TSPAN9: variants seen among roughly 807,000 people sequenced by gnomAD.
The protein encoded by TSPAN9 is tetraspanin 9, also known as tetraspanin-9.
In TSPAN9, 16 loss-of-function variants were observed where a neutral mutation model predicts 31.0. The ratio of observed to expected loss-of-function variants is 0.52; its 90% CI spans 0.35 to 0.78. The LOEUF (loss-of-function observed/expected upper bound fraction) is 0.78, where lower values mean the gene tolerates loss of function less well. Ranked by LOEUF, TSPAN9 falls within the 30% of genes least tolerant of loss-of-function variation. TSPAN9 has a pLI of 0.01. For missense variants in TSPAN9, 272 were observed against 312.5 expected (o/e 0.87, Z 0.98); for synonymous variants, 145 against 121.6 (o/e 1.19, Z -1.27).
chr12:3,191,337 C>T (rs1231751535), intron 2 of TSPAN9, among the ~76,000 whole-genome samples: 4 of 152,178 alleles, frequency 2.6e-5, no homozygotes, highest in Non-Finnish European at 4.4e-5. Context: ...GTGTGGGTGC[C>T]TCCCAAATGT....
chr12:3,126,499 G>A (rs1222941831), intron 2 of TSPAN9, among the ~76,000 whole-genome samples: 2 of 152,114 alleles, frequency 1.3e-5, no homozygotes, highest in Non-Finnish European at 1.5e-5. Context: ...TACCTTTACC[G>A]CACCTTTTCT....
At chr12:3,097,345 G>A (rs1360699316) in intron 2 of TSPAN9, among the ~76,000 whole-genome samples, 46 of 152,248 alleles carry the variant, frequency 3.0e-4, no homozygotes, top group Non-Finnish European at 2.9e-5. Flanking sequence ...AGAGGCACGT[G>A]TGTGGCTATT....
At chr12:3,144,187 A>G (rs1251151761) in intron 2 of TSPAN9, among the ~76,000 whole-genome samples, 1 of 152,066 alleles carries the variant, frequency 6.6e-6, no homozygotes. Context: ...TGCAACCTCC[A>G]CCTGCTAGGT....
intron 3 of TSPAN9, among the ~76,000 whole-genome samples, chr12:3,232,763 C>T (rs919978738): frequency 2.6e-5 from 4 of 152,198 alleles, no homozygotes; most frequent in Non-Finnish European, 1.5e-5. Context: ...CTGGCTCTCC[C>T]GTTCCTCAGA....
At chr12:3,243,271 C>CGCA (rs1000577482) in intron 3 of TSPAN9, among the ~76,000 whole-genome samples, 3 of 152,286 alleles carry the variant, frequency 2.0e-5, no homozygotes. Flanking sequence ...CCATCACCAT[C>CGCA]GCAGCCACTG....
In TSPAN9 at chr12:3,130,689, C is replaced by T. The variant is rs1039642976; in HGVS notation, c.-18+46970C>T. On this transcript the variant is annotated intron_variant, in intron 2 of 8. Transcript: ENST00000011898. The stretch of plus-strand genomic sequence containing the variant: ...AGATGGGGATAATAATAGTACCGGC[C>T]CACAGAGATGTGCAGAGTCAGTGAG... Among the ~76,000 whole-genome samples, 2 of 152,312 alleles carry T rather than the reference C, an allele frequency of 1.3e-5. 1 individual carries two copies. Among genetic ancestry groups the T allele is most frequent in the East Asian group, 3.9e-4 (2 of 5,186 alleles).
At chr12:3,112,951 G>A (rs1464964359) in intron 2 of TSPAN9, among the ~76,000 whole-genome samples, 1 of 152,096 alleles carries the variant, frequency 6.6e-6, no homozygotes, top group Non-Finnish European at 1.5e-5. Context: ...CTCCTAAAGT[G>A]TGGATATTAT....
intron 2 of TSPAN9, among the ~76,000 whole-genome samples, chr12:3,151,629 A>G (rs536880282): frequency 1.3e-5 from 2 of 152,254 alleles, no homozygotes; most frequent in South Asian, 4.1e-4. Flanking sequence ...CTTCCCGCCC[A>G]TGCTTGGTGG....
intron 2 of TSPAN9, among the ~76,000 whole-genome samples, chr12:3,165,790 C>A (rs567023890): frequency 6.6e-6 from 1 of 152,314 alleles, no homozygotes; most frequent in South Asian, 2.1e-4. Context: ...CTAGTATTCT[C>A]GTCCTGCTGC....
chr12:3,152,230 TC>T (rs1167403767), intron 2 of TSPAN9, among the ~76,000 whole-genome samples: 3 of 152,180 alleles, frequency 2.0e-5, no homozygotes, highest in Non-Finnish European at 4.4e-5. Flanking sequence ...TTCCCAGCCC[TC>T]CTTGCCTGGC....
chr12:3,228,863 G>T (rs543433582), intron 3 of TSPAN9, among the ~76,000 whole-genome samples: 15 of 152,198 alleles, frequency 9.9e-5, no homozygotes, highest in Admixed American at 5.9e-4. Context: ...CCCTTCGAAG[G>T]CTCTAGGGAA....
chr12:3,128,935 C>CT (rs1417843268), intron 2 of TSPAN9, among the ~76,000 whole-genome samples: 1 of 152,206 alleles, frequency 6.6e-6, no homozygotes, highest in Non-Finnish European at 1.5e-5. Flanking sequence ...TCTCCCCCTA[C>CT]TTCCAGCCCC....
chr12:3,077,828 C>T lies in TSPAN9; in HGVS notation c.-85+375C>T, dbSNP rs140554958. 9.9e-3 allele frequency among the ~76,000 whole-genome samples: 1,508 copies of T among 152,252 alleles called. 18 individuals carry two copies. The highest frequency in any genetic ancestry group is 0.035 in the African/African-American group (1,443 of 41,562). On this transcript the variant is annotated intron_variant, in intron 1 of 8. Coordinates refer to ENST00000011898, the MANE Select transcript of TSPAN9 (RefSeq NM_006675.5). ...CTTGGGACAGTCCATACAAGGACCCCAGAGAGGGCCAGGGGGCCTTCGGGC... is the reference window on the plus strand; with the variant it reads ...CTTGGGACAGTCCATACAAGGACCCTAGAGAGGGCCAGGGGGCCTTCGGGC...
chr12:3,260,398 G>T (rs1862426566), intron 3 of TSPAN9, among the ~76,000 whole-genome samples: 1 of 152,204 alleles, frequency 6.6e-6, no homozygotes, highest in South Asian at 2.1e-4. Context: ...GATGTACTTG[G>T]TATTTGTAGG....
At chr12:3,176,183 A>G (rs2098355459) in intron 2 of TSPAN9, among the ~76,000 whole-genome samples, 1 of 151,966 alleles carries the variant, frequency 6.6e-6, no homozygotes, top group Non-Finnish European at 1.5e-5. Context: ...AACAACAATC[A>G]CCCCAGTGCC....
intron 2 of TSPAN9, among the ~76,000 whole-genome samples, chr12:3,155,556 G>A (rs2098341793): frequency 6.6e-6 from 1 of 151,806 alleles, no homozygotes; most frequent in Non-Finnish European, 1.5e-5. Flanking sequence ...CCATGATTAT[G>A]CCACTGTGGC....
rs907890184 is a variant in TSPAN9 at position 3,285,000 on chromosome 12, T to C, written c.*1884T>C. 1 of 151,464 alleles carries C rather than the reference T, an allele frequency of 6.6e-6. No homozygotes were observed. Among genetic ancestry groups the C allele is most frequent in the Non-Finnish European group, 1.5e-5 (1 of 67,884 alleles). The allele number at this position is 151,464 out of a possible 1,614,324, so 9.4% of individuals were successfully genotyped here. Reference sequence around the variant, plus strand: ...GTTTTGTGGGGGTGGGAGTGGAGAGTAGGGTGGTCTTGTGAGTTGTGCAGG... The same window carrying C: ...GTTTTGTGGGGGTGGGAGTGGAGAGCAGGGTGGTCTTGTGAGTTGTGCAGG... On this transcript the variant is annotated 3_prime_UTR_variant, in exon 9 of 9. Transcript: ENST00000011898.
chr12:3,137,269 A>C (rs1474949340), intron 2 of TSPAN9, among the ~76,000 whole-genome samples: 1 of 151,948 alleles, frequency 6.6e-6, no homozygotes, highest in South Asian at 2.1e-4. Context: ...GCTTCCCTGG[A>C]GCTCCCGCAG....
chr12:3,140,307 G>A (rs2098334186), intron 2 of TSPAN9, among the ~76,000 whole-genome samples: 1 of 152,150 alleles, frequency 6.6e-6, no homozygotes, highest in South Asian at 2.1e-4. Context: ...AAGGAAACTT[G>A]TAGGGATTTT....
Sources: gnomAD v4.1 joint callset for allele counts (sites outside exome capture counted in the v4.1 genomes callset) on GRCh38, gnomAD v4.1.1 for gene constraint, MANE v1.5 for transcripts, NCBI Gene and HGNC (gene_info 2026-07-23, HGNC 2026-07-21) for gene names.